Variants in SBNO1 observed in about 807,000 individuals in gnomAD.
SBNO1 encodes the protein protein strawberry notch homolog 1.
A neutral mutation model predicts 173.6 loss-of-function variants in SBNO1; 23 were observed. The observed-to-expected ratio is 0.13, with a 90% CI of 0.10 to 0.19. SBNO1 has a LOEUF of 0.19. Among genes scored for constraint, SBNO1 ranks in the 10% least tolerant of loss-of-function variants. The pLI is 1.00. For missense variants in SBNO1, 1,238 were observed against 1,671.2 expected (o/e 0.74, Z 4.52); for synonymous variants, 632 against 571.5 (o/e 1.11, Z -1.51).
At chr12:123,357,386 T>C (rs746197447) in intron 1 of SBNO1, among the ~76,000 whole-genome samples, 12 of 149,324 alleles carry the variant, frequency 8.0e-5, no homozygotes, top group Non-Finnish European at 4.4e-5. Context: ...GGGGTGAAGG[T>C]TGCAGTGAGC....
intron 23 of SBNO1, among the ~76,000 whole-genome samples, chr12:123,315,071 A>G (rs990542904): frequency 6.6e-6 from 1 of 152,134 alleles, no homozygotes; most frequent in Non-Finnish European, 1.5e-5. Context: ...TGCCTAGTTC[A>G]TGTCTCTACA....
In SBNO1 at chr12:123,289,284, C is replaced by A. The variant is rs1646676141; in HGVS notation, c.*6624G>T. 6.6e-6 allele frequency: 1 copy of A among 152,116 alleles called. No homozygotes were observed. The highest frequency in any genetic ancestry group is 1.5e-5 in the Non-Finnish European group (1 of 68,036). 9.4% of individuals were successfully genotyped at this position (152,116 alleles called of 1,614,324 possible). A position where few individuals can be genotyped will look rare whatever the true frequency, so the allele number is the denominator to read the frequency against. On this transcript the variant is annotated 3_prime_UTR_variant, in exon 32 of 32. Transcript: ENST00000602398. Reference sequence around the variant, plus strand: ...GCCAGTACATTTTTATTGCATGAGACCAAATTTTTCAGTTACATATCAAAA... The same window carrying A: ...GCCAGTACATTTTTATTGCATGAGAACAAATTTTTCAGTTACATATCAAAA...
Position 123,319,910 on chromosome 12 carries a change from T to C in SBNO1, c.2789A>G (p.Asp930Gly), listed in dbSNP as rs754115120. ...CTCAGTAAAACATACCTTATCTCCA[T>C]CCATAAATCGTTGTTTTTCTGTGAT... is the stretch of plus-strand genomic sequence containing the variant. ...LNITEKQRFM[D>G]GDKNIAIISE... is the part of the protein sequence containing the mutation. Residue 930 changes from aspartate (D) to glycine (G), a missense_variant, in exon 20 of 32, where the codon GAT (aspartate) becomes GGT (glycine). Around this residue, in one of 14 missense-constraint regions of SBNO1, gnomAD observed 45 missense variants for 85.5 expected, o/e 0.53. Transcript: ENST00000602398. The C allele has an allele frequency of 6.2e-7, 1 of 1,613,890 alleles. No individual in the cohort carries two copies. Among genetic ancestry groups the C allele is most frequent in the South Asian group, 1.1e-5 (1 of 91,080 alleles).
At chr12:123,348,697 C>T (rs1030167764) in intron 2 of SBNO1, among the ~76,000 whole-genome samples, 1 of 151,982 alleles carries the variant, frequency 6.6e-6, no homozygotes, top group Non-Finnish European at 1.5e-5. Flanking sequence ...ACCTGGGAGG[C>T]GGAGGTTGCA....
At chr12:123,347,527 C>T (rs1157907745) in intron 3 of SBNO1, among the ~76,000 whole-genome samples, 1 of 143,746 alleles carries the variant, frequency 7.0e-6, no homozygotes, top group Non-Finnish European at 1.5e-5. Flanking sequence ...TGCCTGGCCT[C>T]TTTTTTTATG....
At chr12:123,332,577 G>T (rs542397892) in intron 7 of SBNO1, among the ~76,000 whole-genome samples, 1 of 150,536 alleles carries the variant, frequency 6.6e-6, no homozygotes, top group African/African-American at 2.4e-5. Context: ...TGGTTTTTTA[G>T]TTTTTTTCAG....
chr12:123,318,418 C>T (rs908548442), intron 20 of SBNO1, among the ~76,000 whole-genome samples: 1 of 151,656 alleles, frequency 6.6e-6, no homozygotes, highest in African/African-American at 2.4e-5. Flanking sequence ...AAGTGACGGT[C>T]CTTCTCAAAC....
Position 123,315,686 on chromosome 12 carries a change from T to C in SBNO1, c.2936-26A>G, listed in dbSNP as rs753506740. 9.2e-6 allele frequency: 12 copies of C among 1,300,088 alleles called. No individual in the cohort carries two copies. The African/African-American group carries it at 1.3e-4, about 14-fold the overall frequency. The allele number at this position is 1,300,088 out of a possible 1,614,324, so 80.5% of individuals were successfully genotyped here. On this transcript the variant is annotated intron_variant, in intron 21 of 31. Transcript: ENST00000602398. ...CTGCAACGAAATTTTGTTTTAAAGATCATTGATTGTGTTCGCTGGACAGAG... is the reference window on the plus strand; with the variant it reads ...CTGCAACGAAATTTTGTTTTAAAGACCATTGATTGTGTTCGCTGGACAGAG...
intron 14 of SBNO1, among the ~76,000 whole-genome samples, chr12:123,325,940 T>C (rs140021917): frequency 6.6e-6 from 1 of 152,346 alleles, no homozygotes; most frequent in Non-Finnish European, 1.5e-5. Context: ...CAGCTATGGA[T>C]GACCAATTAT....
chr12:123,313,245 TAAATAAA>T (rs1868830137), intron 24 of SBNO1, among the ~76,000 whole-genome samples: 2 of 143,716 alleles, frequency 1.4e-5, no homozygotes, highest in African/African-American at 5.1e-5. Flanking sequence ...AATAAATAAA[TAAATAAA>T]TAATTTTTAA....
chr12:123,344,072 T>C (rs941468556), intron 4 of SBNO1, among the ~76,000 whole-genome samples: 1 of 152,220 alleles, frequency 6.6e-6, no homozygotes, highest in Non-Finnish European at 1.5e-5. Flanking sequence ...CTTTAAGTTA[T>C]GATGGCATAT....
Position 123,364,794 on chromosome 12 carries a change from G to C in SBNO1, c.-94C>G. Reference sequence around the variant, plus strand: ...CTGGAGCGGAGGCGGCGGTGGCGGCGGCAGCAGCGGCGTCCTGCTCTGCCT... The same window carrying C: ...CTGGAGCGGAGGCGGCGGTGGCGGCCGCAGCAGCGGCGTCCTGCTCTGCCT... On this transcript the variant is annotated 5_prime_UTR_variant, in exon 1 of 32. Coordinates refer to ENST00000602398, the MANE Select transcript of SBNO1 (RefSeq NM_001167856.3). 1.0e-6 allele frequency: 1 copy of C among 985,852 alleles called. No individual in the cohort carries two copies. Among genetic ancestry groups the C allele is most frequent in the Non-Finnish European group, 1.2e-6 (1 of 831,038 alleles). 61.1% of individuals were successfully genotyped at this position (985,852 alleles called of 1,614,324 possible).
chr12:123,333,494 T>A (rs898332718), intron 7 of SBNO1, among the ~76,000 whole-genome samples: 1 of 152,014 alleles, frequency 6.6e-6, no homozygotes, highest in Admixed American at 6.6e-5. Flanking sequence ...CACACACATA[T>A]ACATATATAT....
chr12:123,332,443 C>A (rs964815329), intron 7 of SBNO1, among the ~76,000 whole-genome samples: 1 of 152,094 alleles, frequency 6.6e-6, no homozygotes, highest in African/African-American at 2.4e-5. Context: ...AGGCATGTGC[C>A]ACCACGCACA....
At chr12:123,317,859 C>T (rs898504991) in intron 20 of SBNO1, among the ~76,000 whole-genome samples, 1 of 152,198 alleles carries the variant, frequency 6.6e-6, no homozygotes, top group African/African-American at 2.4e-5. Context: ...CTAATTCCAA[C>T]TAATGTAATT....
chr12:123,315,449 T>TA lies in SBNO1; in HGVS notation c.3049-6dup, dbSNP rs1339071906. On this transcript the variant is annotated splice_polypyrimidine_tract_variant and splice_region_variant and intron_variant, in intron 22 of 31. Coordinates refer to ENST00000602398, the MANE Select transcript of SBNO1 (RefSeq NM_001167856.3). ...ATCACCATGTGTAAGTGCCCCCTGTTAAAAACAAAAATTTCAATCAAGGCA... is the reference window on the plus strand; with the variant it reads ...ATCACCATGTGTAAGTGCCCCCTGTTAAAAAACAAAAATTTCAATCAAGGCA... The TA allele has an allele frequency of 1.2e-6, 2 of 1,612,396 alleles. No individual in the cohort carries two copies. Among genetic ancestry groups the TA allele is most frequent in the South Asian group, 1.1e-5 (1 of 91,038 alleles).
chr12:123,315,506 T>C (rs761010884), intron 22 of SBNO1, 42 bp downstream of exon 22: 77 of 1,585,042 alleles, frequency 4.9e-5, no homozygotes, highest in Admixed American at 1.8e-4. Flanking sequence ...ACAGGTACAA[T>C]AGATCATCAT....
rs563555397 is a variant in SBNO1 at position 123,353,341 on chromosome 12, TAGA to T, written c.1-2903_1-2901del. Among the ~76,000 whole-genome samples, 63 of 152,288 alleles carry T rather than the reference TAGA, an allele frequency of 4.1e-4. 1 individual carries two copies. In the South Asian group the frequency reaches 0.011, roughly 28 times the overall value. ...CGAAGTTCACTCACGCAGGAAGTGG[TAGA>T]AGATTAGAAACTAGATAGTTCAAAC... On this transcript the variant is annotated intron_variant, in intron 1 of 31. Coordinates refer to ENST00000602398, the MANE Select transcript of SBNO1 (RefSeq NM_001167856.3).
Position 123,342,602 on chromosome 12 carries a change from C to T in SBNO1, c.551-1514G>A, listed in dbSNP as rs528675440. Among the ~76,000 whole-genome samples the T allele has an allele frequency of 2.9e-4, 44 of 152,308 alleles. 1 individual carries two copies. The highest frequency in any genetic ancestry group is 1.0e-3 in the African/African-American group (43 of 41,566). On this transcript the variant is annotated intron_variant, in intron 4 of 31. Coordinates refer to ENST00000602398, the MANE Select transcript of SBNO1 (RefSeq NM_001167856.3). ...TGGGAACTCCTTACTTCCTCCTGCTCCCAGAGTAAAGATCTAAACAATGAA... is the reference window on the plus strand; with the variant it reads ...TGGGAACTCCTTACTTCCTCCTGCTTCCAGAGTAAAGATCTAAACAATGAA...
Sources: allele counts gnomAD v4.1 joint callset (sites outside exome capture counted in the v4.1 genomes callset), GRCh38; gene constraint gnomAD v4.1.1; regional missense constraint gnomAD v4.1.1; transcripts MANE v1.5; gene names NCBI Gene and HGNC (gene_info 2026-07-23, HGNC 2026-07-21).